The following GRIA4 variants were observed in gnomAD, a reference collection of about 807,000 sequenced individuals.
The protein encoded by GRIA4 is glutamate ionotropic receptor AMPA type subunit 4.
GRIA4 carries 34 observed loss-of-function variants against 104.0 expected under a neutral mutation model. That is an observed-to-expected ratio of 0.33 (90% CI 0.25 to 0.44). GRIA4 has a LOEUF of 0.44. GRIA4 is among the 20% of genes least tolerant of loss of function. The pLI is 1.00. For synonymous variants in GRIA4, 386 were observed against 381.9 expected (o/e 1.01, Z -0.13); for missense variants, 750 against 1,096.5 (o/e 0.68, Z 4.46).
At chr11:105,642,999 C>A (rs1951415248) in intron 3 of GRIA4, among the ~76,000 whole-genome samples, 1 of 152,068 alleles carries the variant, frequency 6.6e-6, no homozygotes, top group Non-Finnish European at 1.5e-5. Flanking sequence ...ATGGCAGCAG[C>A]AAGGAGAAGT....
intron 3 of GRIA4, among the ~76,000 whole-genome samples, chr11:105,709,524 T>C (rs959584212): frequency 1.3e-5 from 2 of 152,080 alleles, no homozygotes; most frequent in Admixed American, 1.3e-4. Context: ...AAAGGGAAAA[T>C]AGTAACTTAA....
At chr11:105,630,846 G>A (rs1394142429) in intron 3 of GRIA4, among the ~76,000 whole-genome samples, 3 of 152,248 alleles carry the variant, frequency 2.0e-5, no homozygotes, top group East Asian at 1.9e-4. Flanking sequence ...TAGAATCAAA[G>A]AGTCCTATAA....
At chr11:105,910,710 T>G (rs1947205331) in intron 10 of GRIA4, among the ~76,000 whole-genome samples, 165 bp downstream of exon 10, 2 of 152,176 alleles carry the variant, frequency 1.3e-5, no homozygotes, top group South Asian at 4.1e-4. Context: ...ATCCTAAGCT[T>G]CGAGTTCATA....
intron 5 of GRIA4, among the ~76,000 whole-genome samples, chr11:105,866,458 T>C (rs1945409044): frequency 6.6e-6 from 1 of 150,876 alleles, no homozygotes; most frequent in South Asian, 2.1e-4. Context: ...TGTGTGTGTG[T>C]GTGACACTGC....
intron 5 of GRIA4, among the ~76,000 whole-genome samples, chr11:105,866,551 G>GTGTATATATATATATATATATATATA (rs1299256765): frequency 1.3e-5 from 1 of 76,752 alleles, no homozygotes; most frequent in African/African-American, 6.5e-5. Context: ...GTGTGTGTGT[G>GTGTATATATATATATATATATATATA]TATATATATA....
At chr11:105,844,458 C>G (rs1039600320) in intron 4 of GRIA4, among the ~76,000 whole-genome samples, 1 of 152,140 alleles carries the variant, frequency 6.6e-6, no homozygotes, top group Non-Finnish European at 1.5e-5. Context: ...CTGTATATTC[C>G]AGACCCTAAA....
In GRIA4 at chr11:105,737,650, T is replaced by C. The variant is rs374606599; in HGVS notation, c.248-15331T>C. On this transcript the variant is annotated intron_variant, in intron 3 of 16. Coordinates refer to ENST00000282499, the MANE Select transcript of GRIA4 (RefSeq NM_000829.4). Reference sequence around the variant, plus strand: ...TAATCCCTTAAGACCTACTCCTGTTTCCATGAAGTATAAGTATTCTTAGAG... The same window carrying C: ...TAATCCCTTAAGACCTACTCCTGTTCCCATGAAGTATAAGTATTCTTAGAG... 1.1e-4 allele frequency among the ~76,000 whole-genome samples: 17 copies of C among 152,226 alleles called. 1 individual carries two copies. The highest frequency in any genetic ancestry group is 4.1e-4 in the African/African-American group (17 of 41,554).
At chr11:105,800,127 G>C (rs1252672920) in intron 4 of GRIA4, among the ~76,000 whole-genome samples, 1 of 152,108 alleles carries the variant, frequency 6.6e-6, no homozygotes, top group Non-Finnish European at 1.5e-5. Flanking sequence ...AATGGTTCTA[G>C]TGGGATCAAA....
At chr11:105,873,280 C>T (rs1359170242) in intron 5 of GRIA4, among the ~76,000 whole-genome samples, 1 of 152,136 alleles carries the variant, frequency 6.6e-6, no homozygotes, top group Non-Finnish European at 1.5e-5. Context: ...GCATAATATT[C>T]CATGGTATAT....
At chr11:105,871,922 A>G (rs1246802756) in intron 5 of GRIA4, among the ~76,000 whole-genome samples, 1 of 152,118 alleles carries the variant, frequency 6.6e-6, no homozygotes, top group African/African-American at 2.4e-5. Flanking sequence ...ACTGAAGGGA[A>G]ATAAGAAAAT....
In GRIA4 at chr11:105,980,750, G is replaced by A. The variant is rs1859223404; in HGVS notation, c.*1011G>A. On this transcript the variant is annotated 3_prime_UTR_variant, in exon 17 of 17. Coordinates refer to ENST00000282499, the MANE Select transcript of GRIA4 (RefSeq NM_000829.4). ...AAAGTTTTTTCTTATCGTTATAAAA[G>A]TTATTTGAGAAATTATAAGACTATA... The A allele has an allele frequency of 1.3e-5, 2 of 152,584 alleles. No individual in the cohort carries two copies. The highest frequency in any genetic ancestry group is 4.8e-5 in the African/African-American group (2 of 41,428). 9.5% of individuals were successfully genotyped at this position (152,584 alleles called of 1,614,324 possible). A position where few individuals can be genotyped will look rare whatever the true frequency, so the allele number is the denominator to read the frequency against.
chr11:105,734,215 C>T (rs1490784422), intron 3 of GRIA4, among the ~76,000 whole-genome samples: 2 of 151,766 alleles, frequency 1.3e-5, no homozygotes, highest in Admixed American at 6.6e-5. Flanking sequence ...CTAAACCTCC[C>T]ACAGTTTACT....
At chr11:105,771,055 C>T (rs1941185834) in intron 4 of GRIA4, among the ~76,000 whole-genome samples, 1 of 151,996 alleles carries the variant, frequency 6.6e-6, no homozygotes, top group African/African-American at 2.4e-5. Context: ...CATGACTACA[C>T]ATATCCAAAA....
intron 5 of GRIA4, among the ~76,000 whole-genome samples, chr11:105,874,890 C>A (rs903869113): frequency 2.6e-5 from 4 of 152,074 alleles, no homozygotes; most frequent in Non-Finnish European, 5.9e-5. Context: ...CTATTCCTAT[C>A]TGAATACACT....
chr11:105,854,167 A>C (rs1221908764), intron 4 of GRIA4, among the ~76,000 whole-genome samples: 1 of 152,150 alleles, frequency 6.6e-6, no homozygotes, highest in Non-Finnish European at 1.5e-5. Flanking sequence ...AAACAAGGTG[A>C]GTGAGTAAAA....
chr11:105,852,239 T>C (rs917184653), intron 4 of GRIA4, among the ~76,000 whole-genome samples: 12 of 152,146 alleles, frequency 7.9e-5, no homozygotes, highest in Admixed American at 6.6e-5. Flanking sequence ...GTGTGGGATG[T>C]TGAGTTATAC....
chr11:105,954,620 T>G (rs1948537511), intron 14 of GRIA4, among the ~76,000 whole-genome samples: 1 of 152,136 alleles, frequency 6.6e-6, no homozygotes, highest in South Asian at 2.1e-4. Flanking sequence ...CACACTTGTT[T>G]CTTTTTCTGC....
At chr11:105,892,715 T>C (rs1402083214) in intron 6 of GRIA4, among the ~76,000 whole-genome samples, 1 of 152,178 alleles carries the variant, frequency 6.6e-6, no homozygotes, top group Non-Finnish European at 1.5e-5. Context: ...CTTTTCTGCA[T>C]TGAGCATGTC....
chr11:105,743,527 C>T (rs765327507), intron 3 of GRIA4, among the ~76,000 whole-genome samples: 21 of 152,166 alleles, frequency 1.4e-4, no homozygotes, highest in African/African-American at 2.2e-4. Context: ...AGGTTTTCAC[C>T]GCACATTGTT....
Sources: allele counts gnomAD v4.1 joint callset (sites outside exome capture counted in the v4.1 genomes callset), GRCh38; gene constraint gnomAD v4.1.1; transcripts MANE v1.5; gene names NCBI Gene and HGNC (gene_info 2026-07-23, HGNC 2026-07-21).